SLC8A1: variants seen among roughly 807,000 people sequenced by gnomAD.
SLC8A1 encodes solute carrier family 8 member A1.
A neutral mutation model predicts 68.3 loss-of-function variants in SLC8A1; 18 were observed. The observed-to-expected ratio is 0.26, with a 90% CI of 0.18 to 0.39. The LOEUF is 0.39. SLC8A1 is among the 10% of genes least tolerant of loss of function. The pLI is 1.00. For synonymous variants in SLC8A1, 475 were observed against 415.5 expected, an observed-to-expected ratio of 1.14 and a Z score of -1.74; for missense variants, 985 against 1,156.7, an observed-to-expected ratio of 0.85 and a Z score of 2.15.
At chr2:40,270,466 T>G (rs932038888) in intron 2 of SLC8A1, among the ~76,000 whole-genome samples, 1 of 152,222 alleles carries the variant, frequency 6.6e-6, no homozygotes, top group African/African-American at 2.4e-5. Context: ...TCTGTTTCCT[T>G]GCCTTTTCCA....
chr2:40,485,187 A>T (rs1704883526), intron 1 of SLC8A1, among the ~76,000 whole-genome samples: 2 of 152,154 alleles, frequency 1.3e-5, no homozygotes, highest in South Asian at 4.1e-4. Flanking sequence ...CGCCGCAGAC[A>T]ACCTCAACAG....
chr2:40,426,719 G>A (rs1696945121), intron 2 of SLC8A1, among the ~76,000 whole-genome samples: 2 of 151,686 alleles, frequency 1.3e-5, no homozygotes, highest in South Asian at 4.2e-4. Flanking sequence ...TTGTTTTAAG[G>A]GCTACCCTTA....
chr2:40,272,844 T>C (rs552019877), intron 2 of SLC8A1, among the ~76,000 whole-genome samples: 1 of 152,336 alleles, frequency 6.6e-6, no homozygotes, highest in East Asian at 1.9e-4. Context: ...CTCTGGCAAG[T>C]ACGATTTGGA....
At chr2:40,261,902 A>C (rs1320994645) in intron 2 of SLC8A1, among the ~76,000 whole-genome samples, 2 of 151,982 alleles carry the variant, frequency 1.3e-5, no homozygotes. Flanking sequence ...TCCTTTGTGT[A>C]GTACCTGTGT....
intron 1 of SLC8A1, among the ~76,000 whole-genome samples, chr2:40,437,643 C>A (rs1056405327): frequency 6.6e-6 from 1 of 152,078 alleles, no homozygotes; most frequent in African/African-American, 2.4e-5. Context: ...TAGGTTAACA[C>A]TTTGCTCTAA....
intron 2 of SLC8A1, among the ~76,000 whole-genome samples, chr2:40,315,123 TTTTTTCATGTATGTCC>T (rs1357587020): frequency 6.6e-6 from 1 of 151,986 alleles, no homozygotes; most frequent in East Asian, 1.9e-4. Context: ...TTAATTTTAG[TTTTTTCATGTATGTCC>T]TTTATTAGGT....
chr2:40,251,011 C>G (rs534552437), intron 2 of SLC8A1: 1 of 151,890 alleles, frequency 6.6e-6, no homozygotes, highest in African/African-American at 2.4e-5. Flanking sequence ...CTACAGAACT[C>G]GGGAGAGTTA....
chr2:40,500,297 G>T (rs1192469766), intron 1 of SLC8A1, among the ~76,000 whole-genome samples: 1 of 151,930 alleles, frequency 6.6e-6, no homozygotes, highest in Non-Finnish European at 1.5e-5. Context: ...CTCATATTGA[G>T]TTCCACTCAT....
intron 1 of SLC8A1, among the ~76,000 whole-genome samples, chr2:40,460,619 G>T (rs188525005): frequency 0.012 from 1,746 of 148,268 alleles, 22 homozygotes; most frequent in Middle Eastern, 0.021. Context: ...TCGCCCTGTT[G>T]CCCAGGCTGG....
At chr2:40,336,918 T>C (rs1016822062) in intron 2 of SLC8A1, among the ~76,000 whole-genome samples, 3 of 152,178 alleles carry the variant, frequency 2.0e-5, no homozygotes, top group Non-Finnish European at 4.4e-5. Flanking sequence ...GGGATAATAA[T>C]GCTTACTTTA....
chr2:40,134,665 T>C (rs2040146311), intron 7 of SLC8A1, among the ~76,000 whole-genome samples: 1 of 152,208 alleles, frequency 6.6e-6, no homozygotes, highest in South Asian at 2.1e-4. Context: ...ATAATTTCAA[T>C]TCTTAACTGT....
chr2:40,171,779 T>C (rs545089298), intron 4 of SLC8A1, among the ~76,000 whole-genome samples: 22 of 152,348 alleles, frequency 1.4e-4, no homozygotes, highest in Middle Eastern at 3.4e-3. Flanking sequence ...TAATGAGTTA[T>C]AATATTTAGA....
chr2:40,176,701 A>G (rs1234367380), intron 3 of SLC8A1, among the ~76,000 whole-genome samples: 2 of 152,182 alleles, frequency 1.3e-5, no homozygotes, highest in African/African-American at 4.8e-5. Flanking sequence ...CTACATAGCA[A>G]TTAGTCCTAT....
intron 2 of SLC8A1, among the ~76,000 whole-genome samples, chr2:40,339,803 ACAGACAGAAG>A (rs1207141840): frequency 3.9e-5 from 6 of 152,188 alleles, no homozygotes; most frequent in African/African-American, 1.4e-4. Context: ...GGATAGAAAG[ACAGACAGAAG>A]TTACTTTGTA....
intron 2 of SLC8A1, among the ~76,000 whole-genome samples, chr2:40,360,355 T>C (rs1353753148): frequency 6.6e-6 from 1 of 152,172 alleles, no homozygotes; most frequent in Non-Finnish European, 1.5e-5. Flanking sequence ...GGATAGCAAG[T>C]ACATTTAAGT....
exon 2 of SLC8A1, chr2:40,429,311 G>T: frequency 6.2e-7 from 1 of 1,613,654 alleles, no homozygotes; most frequent in East Asian, 2.2e-5. Context: ...GCCATTTCTC[G>T]CCTAGCTTCT....
chr2:40,461,809 G>T (rs1357143122), intron 1 of SLC8A1, among the ~76,000 whole-genome samples: 1 of 151,918 alleles, frequency 6.6e-6, no homozygotes, highest in Admixed American at 6.6e-5. Flanking sequence ...TAAATTGTTT[G>T]ATTTTTCATG....
At chr2:40,325,468 AT>A (rs1477024590) in intron 2 of SLC8A1, among the ~76,000 whole-genome samples, 23 of 152,196 alleles carry the variant, frequency 1.5e-4, no homozygotes, top group African/African-American at 5.5e-4. Flanking sequence ...CTAGAAACTC[AT>A]TATTCAATTT....
intron 2 of SLC8A1, among the ~76,000 whole-genome samples, chr2:40,403,245 CT>C (rs1468095396): frequency 6.6e-6 from 1 of 152,246 alleles, no homozygotes; most frequent in East Asian, 1.9e-4. Context: ...AAAAGCAAAC[CT>C]TTTGCAAAGC....
Sources: gnomAD v4.1 joint callset for allele counts (sites outside exome capture counted in the v4.1 genomes callset) on GRCh38, gnomAD v4.1.1 for gene constraint, MANE v1.5 for transcripts, NCBI Gene and HGNC (gene_info 2026-07-23, HGNC 2026-07-21) for gene names.